Variants in NRXN3 observed in about 807,000 individuals in gnomAD.
NRXN3 encodes neurexin III.
Under a neutral mutation model 137.6 loss-of-function variants are expected in NRXN3, and 32 were observed. That is an observed-to-expected ratio of 0.23 (90% CI 0.18 to 0.31). NRXN3 has a LOEUF of 0.31. Ranked by LOEUF, NRXN3 falls within the 10% of genes least tolerant of loss-of-function variation. The probability of loss-of-function intolerance (pLI) is 1.00; values close to 1 mark genes in which losing one functional copy is unlikely to be tolerated. For missense variants in NRXN3, 1,574 were observed against 2,062.5 expected (o/e 0.76, Z 4.59); for synonymous variants, 798 against 784.5 (o/e 1.02, Z -0.29).
intron 15 of NRXN3, among the ~76,000 whole-genome samples, chr14:79,226,876 C>T (rs1228796208): frequency 3.0e-5 from 4 of 132,582 alleles, no homozygotes; most frequent in Admixed American, 8.5e-5. Flanking sequence ...AGTGCAGTGA[C>T]ATGATCTCGG....
rs775712880 is a variant in NRXN3 at position 78,967,326 on chromosome 14, A to T, written c.2896A>T (p.Thr966Ser). 6 of 1,613,996 alleles carry T rather than the reference A, an allele frequency of 3.7e-6. No individual in the cohort carries two copies. The South Asian group carries it at 5.5e-5, about 15-fold the overall frequency. ...NVVITRDNSN[T>S]HSLKVDTKVV... ...CGTCATCACTCGGGACAATAGTAAC[A>T]CTCATAGCCTGAAAGTGGACACCAA... Residue 966 changes from threonine to serine, a missense_variant, in exon 13 of 21, where the codon ACT becomes TCT. Transcript: ENST00000335750.
intron 8 of NRXN3, among the ~76,000 whole-genome samples, chr14:78,726,544 G>T (rs761866383): frequency 3.4e-5 from 4 of 118,110 alleles, no homozygotes; most frequent in South Asian, 2.8e-4. Flanking sequence ...TTGAGAGAAG[G>T]CCTGGCTCTT....
intron 15 of NRXN3, among the ~76,000 whole-genome samples, chr14:79,423,467 A>G (rs542501371): frequency 6.6e-6 from 1 of 152,364 alleles, no homozygotes; most frequent in South Asian, 2.1e-4. Context: ...ATTCTCAAAT[A>G]GGAAAATTTC....
intron 4 of NRXN3, among the ~76,000 whole-genome samples, chr14:78,349,943 A>C (rs1330762373): frequency 1.3e-5 from 2 of 152,218 alleles, no homozygotes; most frequent in Non-Finnish European, 2.9e-5. Flanking sequence ...TGAAGCTCCA[A>C]ATCTCCCTAG....
Position 79,282,493 on chromosome 14 carries a change from GTCTC to G in NRXN3, c.3263-184709_3263-184706del, listed in dbSNP as rs535502639. Among the ~76,000 whole-genome samples the G allele has an allele frequency of 1.3e-4, 19 of 148,538 alleles. No individual in the cohort carries two copies. The East Asian group carries it at 1.4e-3, about 11-fold the overall frequency. On this transcript the variant is annotated intron_variant, in intron 15 of 20. Transcript: ENST00000335750. ...CCCTAGGGTCCCTAAGTCAGAGTCA[GTCTC>G]TCTCTCTCTCTCTCTCTCATAAAGG...
intron 1 of NRXN3, among the ~76,000 whole-genome samples, chr14:78,206,341 T>C (rs1417869038): frequency 6.6e-6 from 1 of 152,084 alleles, no homozygotes; most frequent in Non-Finnish European, 1.5e-5. Flanking sequence ...TCCCATGAAA[T>C]GGTGTTCGTG....
intron 4 of NRXN3, among the ~76,000 whole-genome samples, chr14:78,376,805 G>A (rs1314994222): frequency 6.6e-6 from 1 of 152,166 alleles, no homozygotes; most frequent in Non-Finnish European, 1.5e-5. Context: ...ACAGGGGTAG[G>A]TAAAGGGAGA....
At chr14:79,450,308 G>T (rs904903041) in intron 15 of NRXN3, among the ~76,000 whole-genome samples, 1 of 152,092 alleles carries the variant, frequency 6.6e-6, no homozygotes, top group Non-Finnish European at 1.5e-5. Context: ...AGCAGATGTT[G>T]GTCAAAGGGT....
chr14:78,930,504 C>G (rs749565221), intron 10 of NRXN3, among the ~76,000 whole-genome samples: 6 of 152,142 alleles, frequency 3.9e-5, no homozygotes, highest in Non-Finnish European at 8.8e-5. Flanking sequence ...GCTCTCAAGT[C>G]TGGTGGGAGA....
intron 15 of NRXN3, among the ~76,000 whole-genome samples, chr14:79,079,914 G>A (rs1270521064): frequency 6.6e-6 from 1 of 152,088 alleles, no homozygotes; most frequent in Non-Finnish European, 1.5e-5. Context: ...CTTGAACCTG[G>A]GAGGCAGAGG....
intron 15 of NRXN3, among the ~76,000 whole-genome samples, chr14:79,268,593 AAGC>A (rs1485435469): frequency 1.3e-5 from 2 of 152,218 alleles, no homozygotes; most frequent in African/African-American, 4.8e-5. Context: ...GGCAAAGAGA[AAGC>A]AGAAAGAAAA....
At chr14:79,103,007 A>G (rs1320669858) in intron 15 of NRXN3, among the ~76,000 whole-genome samples, 1 of 152,192 alleles carries the variant, frequency 6.6e-6, no homozygotes, top group Non-Finnish European at 1.5e-5. Context: ...CATAGTGGAT[A>G]AACCTGAAAA....
At chr14:79,141,358 G>A (rs772538144) in intron 15 of NRXN3, among the ~76,000 whole-genome samples, 1 of 152,154 alleles carries the variant, frequency 6.6e-6, no homozygotes, top group Non-Finnish European at 1.5e-5. Flanking sequence ...CATCCTTAAT[G>A]TCACTAATAA....
At chr14:78,717,014 G>C (rs2098437113) in intron 8 of NRXN3, among the ~76,000 whole-genome samples, 2 of 152,310 alleles carry the variant, frequency 1.3e-5, no homozygotes, top group South Asian at 2.1e-4. Context: ...GGTTGGGGAA[G>C]ATAGAAAGGT....
intron 1 of NRXN3, among the ~76,000 whole-genome samples, chr14:78,176,400 C>T (rs1335962503): frequency 1.5e-4 from 20 of 136,420 alleles, no homozygotes; most frequent in African/African-American, 4.4e-4. Flanking sequence ...TTTTTTTTAA[C>T]ACTCGGTATC....
intron 15 of NRXN3, among the ~76,000 whole-genome samples, chr14:79,102,761 G>A (rs1331695812): frequency 6.6e-6 from 1 of 152,072 alleles, no homozygotes; most frequent in Non-Finnish European, 1.5e-5. Context: ...AGGCCAATTA[G>A]GCAAGGACAT....
intron 19 of NRXN3, among the ~76,000 whole-genome samples, chr14:79,727,996 G>A (rs947461158): frequency 6.6e-6 from 1 of 152,120 alleles, no homozygotes; most frequent in African/African-American, 2.4e-5. Flanking sequence ...CAGTAAAAGT[G>A]GACTATTAAC....
At chr14:79,072,973 C>G (rs760470666) in intron 15 of NRXN3, among the ~76,000 whole-genome samples, 7 of 151,748 alleles carry the variant, frequency 4.6e-5, no homozygotes, top group Admixed American at 6.6e-5. Flanking sequence ...GCAACCTCCC[C>G]CTCCCAGGGT....
At position 78,645,384 on chromosome 14, in the gene NRXN3, C is replaced by A; in HGVS notation, c.1022C>A (p.Ala341Asp). Residue 341 changes from alanine to aspartate, a missense_variant, in exon 5 of 21, where the codon GCC (alanine) becomes GAC (aspartate). Physicochemically the swap from Ala to Asp is moderately radical, Grantham distance 126. This residue lies in a region of NRXN3 where 400 missense variants were observed against 527.3 expected (regional missense o/e 0.76). Coordinates refer to ENST00000335750, the MANE Select transcript of NRXN3 (RefSeq NM_001330195.2). ...EPVNGKFNDN[A>D]WHDVKVTRNL... The stretch of plus-strand genomic sequence containing the variant: ...GTGAATGGAAAATTCAACGACAACG[C>A]CTGGCATGATGTCAAAGTGACACGC... The A allele has an allele frequency of 6.3e-7, 1 of 1,596,106 alleles. No homozygotes were observed. The highest frequency in any genetic ancestry group is 1.3e-5 in the African/African-American group (1 of 74,942).
Sources: allele counts gnomAD v4.1 joint callset (sites outside exome capture counted in the v4.1 genomes callset), GRCh38; gene constraint gnomAD v4.1.1; regional missense constraint gnomAD v4.1.1; transcripts MANE v1.5; gene names NCBI Gene and HGNC (gene_info 2026-07-23, HGNC 2026-07-21).